SNAP47: variants seen among roughly 807,000 people sequenced by gnomAD.
The protein encoded by SNAP47 is synaptosome associated protein 47, also known as synaptosomal-associated protein 47.
A neutral mutation model predicts 31.4 loss-of-function variants in SNAP47; 20 were observed. That is an observed-to-expected ratio of 0.64 (90% confidence interval 0.45 to 0.93). SNAP47 has a LOEUF of 0.93. Ranked by LOEUF, SNAP47 falls within the 40% of genes least tolerant of loss-of-function variation. The probability of loss-of-function intolerance (pLI) is 0.00; values close to 1 mark genes in which losing one functional copy is unlikely to be tolerated. For synonymous variants in SNAP47, 194 were observed against 213.4 expected (o/e 0.91, Z 0.79); for missense variants, 492 against 528.5 (o/e 0.93, Z 0.68).
chr1:227,735,257 C>T (rs1661017690), upstream of SNAP47: 2 of 1,603,566 alleles, frequency 1.2e-6, no homozygotes, highest in Non-Finnish European at 1.7e-6. Context: ...GGCGAGGGCG[C>T]GCGTCTCGCG....
At chr1:227,733,626 CACAG>C, upstream of SNAP47, 1 of 1,604,194 alleles carries the variant, frequency 6.2e-7, no homozygotes, top group Non-Finnish European at 8.5e-7. Flanking sequence ...TTCTTCCTCC[CACAG>C]ACATTGACAG....
intron 1 of SNAP47, among the ~76,000 whole-genome samples, chr1:227,743,580 G>T (rs1170812972): frequency 6.6e-6 from 1 of 152,346 alleles, no homozygotes; most frequent in Middle Eastern, 3.4e-3. Flanking sequence ...GGCCTTGCAG[G>T]CTCTTCTAGA....
At chr1:227,770,309 G>A (rs1241894312) in intron 4 of SNAP47, among the ~76,000 whole-genome samples, 5 of 152,230 alleles carry the variant, frequency 3.3e-5, no homozygotes, top group Admixed American at 1.3e-4. Context: ...CTGAGGGTGC[G>A]GTCAGGCTCA....
chr1:227,735,397 C>T, upstream of SNAP47: 2 of 1,569,642 alleles, frequency 1.3e-6, no homozygotes, highest in African/African-American at 1.4e-5. Flanking sequence ...CCTGGGGCTC[C>T]GGGCCTGCAC....
At chr1:227,775,590 G>A in intron 4 of SNAP47, among the ~76,000 whole-genome samples, 1 of 152,240 alleles carries the variant, frequency 6.6e-6, no homozygotes, top group East Asian at 1.9e-4. Context: ...GGCTGCTGGT[G>A]GCAGCGAACG....
upstream of SNAP47, chr1:227,733,691 C>A: frequency 6.3e-7 from 1 of 1,599,524 alleles, no homozygotes; most frequent in Non-Finnish European, 8.5e-7. Context: ...CCTGCGGCAG[C>A]AAGAGCGCCT....
chr1:227,738,685 TGTG>T (rs928405232), intron 1 of SNAP47, among the ~76,000 whole-genome samples: 1 of 152,188 alleles, frequency 6.6e-6, no homozygotes, highest in African/African-American at 2.4e-5. Flanking sequence ...TGATTTTGGT[TGTG>T]GTGCATGCAG....
intron 1 of SNAP47, chr1:227,744,147 A>G (rs1661801083): frequency 6.7e-6 from 1 of 149,666 alleles, no homozygotes; most frequent in Admixed American, 6.6e-5. Flanking sequence ...CAGGAAAAAC[A>G]GTCTGTGTAT....
In SNAP47 at chr1:227,762,690, G is replaced by A. The variant is rs191921464; in HGVS notation, c.988+3205G>A. On this transcript the variant is annotated intron_variant, in intron 3 of 4. Transcript: ENST00000617596. This position sits in a 1 kb window ranked among gnomAD's most constrained non-coding sequence, Gnocchi z 4.2. ...TTTCCAGAGACCTCTGCAGGGCTGC[G>A]TGCCAAGTGCACGTTTTATTTTATT... 3.3e-5 allele frequency among the ~76,000 whole-genome samples: 5 copies of A among 152,354 alleles called. No homozygotes were observed. Among genetic ancestry groups the A allele is most frequent in the South Asian group, 2.1e-4 (1 of 4,824 alleles).
chr1:227,739,732 C>T (rs1661465491), intron 1 of SNAP47, among the ~76,000 whole-genome samples: 1 of 152,210 alleles, frequency 6.6e-6, no homozygotes, highest in African/African-American at 2.4e-5. Flanking sequence ...GCGTGCTGAG[C>T]CATCCCTGTG....
chr1:227,762,616 C>T lies in SNAP47; in HGVS notation c.988+3131C>T, dbSNP rs1029678687. Among the ~76,000 whole-genome samples the T allele has an allele frequency of 6.6e-6, 1 of 152,090 alleles. No individual in the cohort carries two copies. Among genetic ancestry groups the T allele is most frequent in the Non-Finnish European group, 1.5e-5 (1 of 67,992 alleles). ...GTGTGGCCACAGGGTGGCAGCCTCG[C>T]GACACCGGATGGGCGCTTGTCAGGG... On this transcript the variant is annotated intron_variant, in intron 3 of 4. Coordinates refer to ENST00000617596, the MANE Select transcript of SNAP47 (RefSeq NM_053052.4). This position sits in a 1 kb window ranked among gnomAD's most constrained non-coding sequence, Gnocchi z 4.2.
At chr1:227,737,291 G>C (rs1661281601) in intron 1 of SNAP47, among the ~76,000 whole-genome samples, 1 of 152,254 alleles carries the variant, frequency 6.6e-6, no homozygotes, top group Admixed American at 6.5e-5. Context: ...AGAGTGCAGA[G>C]TCTGGGCAGC....
intron 1 of SNAP47, among the ~76,000 whole-genome samples, chr1:227,729,416 T>G (rs950274317): frequency 1.1e-4 from 16 of 152,302 alleles, no homozygotes; most frequent in Admixed American, 2.6e-4. Context: ...AAGGTGCAGC[T>G]GGTAGTTGCA....
At chr1:227,738,231 G>A (rs576417508) in intron 1 of SNAP47, among the ~76,000 whole-genome samples, 11 of 152,108 alleles carry the variant, frequency 7.2e-5, no homozygotes, top group Non-Finnish European at 1.0e-4. Context: ...TAGTAGAGAC[G>A]GGGTTTCACC....
rs1405256324 is a variant in SNAP47 at position 227,771,280 on chromosome 1, CAGAT to C, written c.1113+4201_1113+4204del. 3.3e-5 allele frequency among the ~76,000 whole-genome samples: 5 copies of C among 152,312 alleles called. No individual in the cohort carries two copies. In the South Asian group the frequency reaches 8.3e-4, roughly 25 times the overall value. On this transcript the variant is annotated intron_variant, in intron 4 of 4. Coordinates refer to ENST00000617596, the MANE Select transcript of SNAP47 (RefSeq NM_053052.4). The stretch of plus-strand genomic sequence containing the variant: ...TTTTATTTATGGCCTTGACAGCAGT[CAGAT>C]AGAAGCGCTGAGCTAAGCCGCCATG...
At chr1:227,774,361 CATGTGTTGA>C (rs1664028016) in intron 4 of SNAP47, among the ~76,000 whole-genome samples, 1 of 150,614 alleles carries the variant, frequency 6.6e-6, no homozygotes, top group African/African-American at 2.4e-5. Context: ...CTGTTGACAC[CATGTGTTGA>C]AGGATGAAAG....
upstream of SNAP47, chr1:227,734,511 G>A: frequency 1.4e-6 from 1 of 723,232 alleles, no homozygotes; most frequent in Non-Finnish European, 2.3e-6. Flanking sequence ...AGACAATCCA[G>A]TTTCTTTTAA....
At position 227,741,513 on chromosome 1, in the gene SNAP47, CA is replaced by C. The variant is rs1183719209; in HGVS notation, c.-46+6015del. ...TTGATGTCTTGTGTGTGGCCACTTT[CA>C]TTCCACCCCAGCAGAGCTGTGTAGT... On this transcript the variant is annotated intron_variant, in intron 1 of 4. Coordinates refer to ENST00000617596, the MANE Select transcript of SNAP47 (RefSeq NM_053052.4). This position sits in a 1 kb window ranked among gnomAD's most constrained non-coding sequence, Gnocchi z 4.2. 1.3e-4 allele frequency among the ~76,000 whole-genome samples: 20 copies of C among 152,190 alleles called. No homozygotes were observed. The highest frequency in any genetic ancestry group is 1.3e-3 in the Admixed American group (20 of 15,284).
intron 1 of SNAP47, among the ~76,000 whole-genome samples, chr1:227,747,406 A>C (rs986645206): frequency 1.3e-5 from 2 of 152,058 alleles, no homozygotes; most frequent in Admixed American, 6.5e-5. Context: ...AGGGGCACAG[A>C]GTGTGGTGAG....
Sources: gnomAD v4.1 joint callset for allele counts (sites outside exome capture counted in the v4.1 genomes callset) on GRCh38, gnomAD v4.1.1 for gene constraint, Gnocchi (gnomAD v3.1) non-coding constraint, MANE v1.5 for transcripts, NCBI Gene and HGNC (gene_info 2026-07-23, HGNC 2026-07-21) for gene names.